The following LRRC73 variants were observed in gnomAD, a reference collection of about 807,000 sequenced individuals.
The protein encoded by LRRC73 is leucine-rich repeat-containing protein 73.
In LRRC73, 16 loss-of-function variants were observed where a neutral mutation model predicts 26.4. The observed-to-expected ratio is 0.61, with a 90% CI of 0.41 to 0.92. LRRC73 has a LOEUF of 0.92. Ranked by LOEUF, LRRC73 falls within the 40% of genes least tolerant of loss-of-function variation. The pLI is 0.00. For synonymous variants in LRRC73, 210 were observed against 179.8 expected, an observed-to-expected ratio of 1.17 and a Z score of -1.34; for missense variants, 344 against 416.3, an observed-to-expected ratio of 0.83 and a Z score of 1.51.
chr6:43,507,381 A>G, intron 5 of LRRC73, 73 bp from the exon 6 acceptor site: 1 of 1,608,640 alleles, frequency 6.2e-7, no homozygotes, highest in Non-Finnish European at 8.5e-7. Flanking sequence ...GTGAGAGCCT[A>G]GGTTCTGCAC....
chr6:43,507,711 C>T, intron 4 of LRRC73, 33 bp from the exon 5 acceptor site: 1 of 1,609,304 alleles, frequency 6.2e-7, no homozygotes. Context: ...AAAGGATGAA[C>T]ACAGTTAAGG....
exon 2 of LRRC73, chr6:43,508,870 G>C (rs1411331680): frequency 6.2e-7 from 1 of 1,612,494 alleles, no homozygotes; most frequent in Non-Finnish European, 8.5e-7. Context: ...GAGGGCCAGG[G>C]CTGGGTTCAG....
At chr6:43,508,515 G>A in intron 2 of LRRC73, 95 bp from the exon 3 acceptor site, 1 of 1,564,588 alleles carries the variant, frequency 6.4e-7, no homozygotes, top group Non-Finnish European at 8.7e-7. Flanking sequence ...TGTCCCTAGT[G>A]GCTGGGCACC....
chr6:43,509,849 G>A lies in LRRC73; in HGVS notation c.-64C>T, dbSNP rs1270227025. 3.6e-6 allele frequency: 5 copies of A among 1,379,622 alleles called. No individual in the cohort carries two copies. The East Asian group carries it at 1.4e-4, about 40-fold the overall frequency. 85.5% of individuals were successfully genotyped at this position (1,379,622 alleles called of 1,614,324 possible). A position where few individuals can be genotyped will look rare whatever the true frequency, so the allele number is the denominator to read the frequency against. On this transcript the variant is annotated 5_prime_UTR_variant, in exon 1 of 6. Transcript: ENST00000372441. ...GGAGGTTGGTGGGGCCGCGGGCGGGGCCGGGGATAGGGCCGGGGTCGGGGC... is the reference window on the plus strand; with the variant it reads ...GGAGGTTGGTGGGGCCGCGGGCGGGACCGGGGATAGGGCCGGGGTCGGGGC...
intron 1 of LRRC73, 50 bp downstream of exon 1, chr6:43,509,464 G>T: frequency 6.4e-7 from 1 of 1,562,146 alleles, no homozygotes; most frequent in Non-Finnish European, 8.7e-7. Context: ...CCAGGGGAGT[G>T]TATGGAAGGG....
In LRRC73 at chr6:43,508,659, C is replaced by T. The variant is rs577612913; in HGVS notation, c.433+101G>A. 38 of 1,476,352 alleles carry T rather than the reference C, an allele frequency of 2.6e-5. No homozygotes were observed. In the African/African-American group the frequency reaches 2.8e-4, roughly 11 times the overall value. The allele number at this position is 1,476,352 out of a possible 1,614,324, so 91.5% of individuals were successfully genotyped here. A position where few individuals can be genotyped will look rare whatever the true frequency, so the allele number is the denominator to read the frequency against. ...CCTGAGAGGAGTAGAAAGATGTTCT[C>T]GCCCACATCATCAGAGCTCTGGGGC... On this transcript the variant is annotated intron_variant, in intron 2 of 5. Transcript: ENST00000372441.
exon 1 of LRRC73, chr6:43,509,751 G>A (rs1298165496): frequency 6.3e-7 from 1 of 1,584,894 alleles, no homozygotes; most frequent in Non-Finnish European, 8.5e-7. Context: ...GCCGGACAGC[G>A]GCTCCCCCGA....
rs199868414 is a variant in LRRC73 at position 43,508,810 on chromosome 6, T to G, written c.383A>C (p.Glu128Ala). 28 of 1,613,008 alleles carry G rather than the reference T, an allele frequency of 1.7e-5. No homozygotes were observed. The highest frequency in any genetic ancestry group is 6.7e-5 in the Admixed American group (4 of 59,994). Residue 128 changes from glutamate to alanine, a missense_variant, in exon 2 of 6, where the codon GAA becomes GCA. Coordinates refer to ENST00000372441, the Ensembl canonical transcript of LRRC73. ...GAGGCCACAGATGAGGTTGATGGCT[T>G]CATCACCCAGCATGCAGTCCCCCAG... is the stretch of plus-strand genomic sequence containing the variant.
chr6:43,508,223 T>C (rs1243857833), intron 3 of LRRC73, 75 bp downstream of exon 3: 5 of 1,528,430 alleles, frequency 3.3e-6, no homozygotes, highest in Middle Eastern at 3.5e-4. Flanking sequence ...CGGGTTACCA[T>C]GTCAACTGAT....
intron 2 of LRRC73, 71 bp from the exon 3 acceptor site, chr6:43,508,491 CTG>C (rs1451968352): frequency 3.1e-6 from 5 of 1,603,584 alleles, no homozygotes; most frequent in East Asian, 4.5e-5. Flanking sequence ...CCCACAATCC[CTG>C]TGTCTCTGGG....
intron 2 of LRRC73, 61 bp from the exon 3 acceptor site, chr6:43,508,481 C>T: frequency 6.2e-7 from 1 of 1,607,662 alleles, no homozygotes. Context: ...CCAGCCCTTC[C>T]CCACAATCCC....
Position 43,508,938 on chromosome 6 carries a change from A to T in LRRC73, c.273-18T>A, listed in dbSNP as rs750786117. The T allele has an allele frequency of 6.3e-7, 1 of 1,576,718 alleles. No individual in the cohort carries two copies. The highest frequency in any genetic ancestry group is 1.3e-5 in the African/African-American group (1 of 74,082). On this transcript the variant is annotated intron_variant, in intron 1 of 5. Transcript: ENST00000372441. ...CATGCAGGCTGGAGGAGAGTGAGAG[A>T]GCAGGGTTACTGCAGTCCTCCGCAC...
chr6:43,508,830 C>T, exon 2 of LRRC73: 1 of 1,613,132 alleles, frequency 6.2e-7, no homozygotes, highest in South Asian at 1.1e-5. Context: ...GCATGCAGTC[C>T]CCCAGGTCCA....
intron 1 of LRRC73, 85 bp downstream of exon 1, chr6:43,509,429 A>G: frequency 1.4e-6 from 2 of 1,462,190 alleles, no homozygotes; most frequent in South Asian, 2.7e-5. Context: ...ATGGTACTGG[A>G]AGGAGTGTGG....
chr6:43,508,897 T>G, exon 2 of LRRC73: 1 of 1,609,272 alleles, frequency 6.2e-7, no homozygotes. Flanking sequence ...CAGCCCCGCA[T>G]CTGTCAGGGG....
chr6:43,509,933 G>C, exon 1 of LRRC73: 1 of 543,472 alleles, frequency 1.8e-6, no homozygotes, highest in Non-Finnish European at 2.7e-6. Flanking sequence ...TGTGGCGGAG[G>C]CTGCGGCTGC....
At chr6:43,509,240 C>T (rs1792594634) in intron 1 of LRRC73, among the ~76,000 whole-genome samples, 1 of 152,172 alleles carries the variant, frequency 6.6e-6, no homozygotes. Flanking sequence ...AGGAGCTGCC[C>T]CAGTGAAGTA....
chr6:43,508,958 C>T (rs755014952), intron 1 of LRRC73, 38 bp from the exon 2 acceptor site: 2 of 1,524,256 alleles, frequency 1.3e-6, no homozygotes, highest in East Asian at 4.7e-5. Flanking sequence ...CTGCAGTCCT[C>T]CGCACTATCT....
intron 1 of LRRC73, 81 bp from the exon 2 acceptor site, chr6:43,509,001 C>T (rs532582260): frequency 2.7e-4 from 372 of 1,402,620 alleles, no homozygotes; most frequent in Middle Eastern, 5.1e-4. Flanking sequence ...CTTCTGTCAG[C>T]CCTAGGTATG....
Sources: allele counts gnomAD v4.1 joint callset (sites outside exome capture counted in the v4.1 genomes callset), GRCh38; gene constraint gnomAD v4.1.1; transcripts MANE v1.5; gene names NCBI Gene and HGNC (gene_info 2026-07-23, HGNC 2026-07-21).